Variants in SLC25A11 observed in about 807,000 individuals in gnomAD.
The protein encoded by SLC25A11 is mitochondrial 2-oxoglutarate/malate carrier protein.
In SLC25A11, 11 loss-of-function variants were observed where a neutral mutation model predicts 32.7. That is an observed-to-expected ratio of 0.34 (90% CI 0.21 to 0.56). The LOEUF (loss-of-function observed/expected upper bound fraction) is 0.56. Ranked by LOEUF, SLC25A11 falls within the 20% of genes least tolerant of loss-of-function variation. SLC25A11 has a pLI of 0.90. For synonymous variants in SLC25A11, 163 were observed against 168.3 expected (o/e 0.97, Z 0.24); for missense variants, 295 against 426.3 (o/e 0.69, Z 2.71).
intron 7 of SLC25A11, 54 bp downstream of exon 7, chr17:4,937,969 C>T: frequency 6.2e-7 from 1 of 1,613,602 alleles, no homozygotes; most frequent in South Asian, 1.1e-5. Flanking sequence ...TGCCTTCACA[C>T]CTTTCCCAGG....
rs758910860 is a variant in SLC25A11 at position 4,937,719 on chromosome 17, C to T, written c.*22G>A. The T allele has an allele frequency of 1.2e-5, 19 of 1,589,122 alleles. No homozygotes were observed. The highest frequency in any genetic ancestry group is 6.9e-5 in the South Asian group (6 of 87,454). On this transcript the variant is annotated 3_prime_UTR_variant, in exon 8 of 8. Transcript: ENST00000225665. ...GCGCAGTGGCTATAGGCGCAGCAGG[C>T]GAGTGGGAGCCCCCGGCCGCTTCAG... is the stretch of plus-strand genomic sequence containing the variant.
In SLC25A11 at chr17:4,939,657, TGGGGCCCTAGCA is replaced by T; in HGVS notation, c.95+147_95+158del. ...CATGCAGTCCATAAGGGTCCTGCAA[TGGGGCCCTAGCA>T]GCCCATCGGGGAACTCGCAATACGC... On this transcript the variant is annotated intron_variant, in intron 1 of 7. Coordinates refer to ENST00000225665, the MANE Select transcript of SLC25A11 (RefSeq NM_003562.5). This position sits in a 1 kb window ranked among gnomAD's most constrained non-coding sequence, Gnocchi z 4.1. 2 of 696,842 alleles carry T rather than the reference TGGGGCCCTAGCA, an allele frequency of 2.9e-6. No homozygotes were observed. Among genetic ancestry groups the T allele is most frequent in the Non-Finnish European group, 5.1e-6 (2 of 394,946 alleles). The allele number at this position is 696,842 out of a possible 1,614,324, so 43.2% of individuals were successfully genotyped here. A position where few individuals can be genotyped will look rare whatever the true frequency, so the allele number is the denominator to read the frequency against.
rs747131816 is a variant in SLC25A11 at position 4,937,761 on chromosome 17, G to C, written c.925C>G (p.Arg309Gly). The C allele has an allele frequency of 1.9e-6, 3 of 1,612,062 alleles. No homozygotes were observed. Among genetic ancestry groups the C allele is most frequent in the East Asian group, 4.5e-5 (2 of 44,876 alleles). The change falls in exon 8 of 8, where the codon CGT (arginine) becomes GGT (glycine). Residue 309 changes from arginine (R) to glycine (G), a missense_variant. Physicochemically the swap from Arg to Gly is moderately radical, Grantham distance 125 (BLOSUM62 -2). Coordinates refer to ENST00000225665, the MANE Select transcript of SLC25A11 (RefSeq NM_003562.5). The stretch of plus-strand genomic sequence containing the variant: ...CCGCTTCAGCCACTGAGGAAGAGAC[G>C]CTTGTAGGCCTTGTTCATCTGCTCC... ...FLEQMNKAYK[R>G]LFLSG
At position 4,938,560 on chromosome 17, in the gene SLC25A11, G is replaced by A. The variant is rs770093144; in HGVS notation, c.498C>T (p.Asn166=). ...CTTCCCGGGTGATTCGAATCAGGGC[G>A]TTAAACACATTTTTGTAGCCACGGC... is the stretch of plus-strand genomic sequence containing the variant. ...DQRRGYKNVF[N]ALIRITREEG... Residue 166 remains asparagine (N), a synonymous_variant, in exon 4 of 8, where the codon AAC becomes AAT. Transcript: ENST00000225665. This position sits in a 1 kb window ranked among gnomAD's most constrained non-coding sequence, Gnocchi z 7.6. 3.1e-6 allele frequency: 5 copies of A among 1,613,990 alleles called. No individual in the cohort carries two copies. Among genetic ancestry groups the A allele is most frequent in the Admixed American group, 1.7e-5 (1 of 60,006 alleles).
At position 4,939,228 on chromosome 17, in the gene SLC25A11, G is replaced by A. The variant is rs771804137; in HGVS notation, c.96-16C>T. The stretch of plus-strand genomic sequence containing the variant: ...AGCTCCCATCCTGGGGGAAGACAGA[G>A]GTGGAGTGAAGGGCCAGGCATTCCA... On this transcript the variant is annotated splice_polypyrimidine_tract_variant and intron_variant, in intron 1 of 7. Coordinates refer to ENST00000225665, the MANE Select transcript of SLC25A11 (RefSeq NM_003562.5). This position sits in a 1 kb window ranked among gnomAD's most constrained non-coding sequence, Gnocchi z 4.1. 9 of 1,597,442 alleles carry A rather than the reference G, an allele frequency of 5.6e-6. No individual in the cohort carries two copies. The highest frequency in any genetic ancestry group is 6.9e-6 in the Non-Finnish European group (8 of 1,167,150).
rs1192665625 is a variant in SLC25A11 at position 4,937,661 on chromosome 17, G to A, written c.*80C>T. The A allele has an allele frequency of 2.0e-6, 3 of 1,469,166 alleles. No homozygotes were observed. Among genetic ancestry groups the A allele is most frequent in the Middle Eastern group, 2.4e-4 (1 of 4,204 alleles). 91.0% of individuals were successfully genotyped at this position (1,469,166 alleles called of 1,614,324 possible). A position where few individuals can be genotyped will look rare whatever the true frequency, so the allele number is the denominator to read the frequency against. ...ACACTGTGGAAGGGAAATAAATAGA[G>A]GGGTCCAGGGCAGCAGAGCCCAGGC... On this transcript the variant is annotated 3_prime_UTR_variant, in exon 8 of 8. Transcript: ENST00000225665.
rs1045475762 is a variant in SLC25A11 at position 4,938,734 on chromosome 17, A to G, written c.455+35T>C. 2.5e-6 allele frequency: 4 copies of G among 1,596,990 alleles called. No individual in the cohort carries two copies. The East Asian group carries it at 6.7e-5, about 27-fold the overall frequency. Reference sequence around the variant, plus strand: ...GTCCTTTCATTCTAGATTCGAGGGAATGGGGCTGGGGTTAGGTTCAGACTT... The same window carrying G: ...GTCCTTTCATTCTAGATTCGAGGGAGTGGGGCTGGGGTTAGGTTCAGACTT... On this transcript the variant is annotated intron_variant, in intron 3 of 7. Transcript: ENST00000225665. The surrounding 1 kb of genome is among the most constrained non-coding windows in gnomAD (Gnocchi z 7.6).
chr17:4,939,065 G>A lies in SLC25A11; in HGVS notation c.243C>T (p.Tyr81=), dbSNP rs1260335805. The change falls in exon 2 of 8, where the codon TAC becomes TAT. Residue 81 remains tyrosine (Y), a synonymous_variant. Coordinates refer to ENST00000225665, the MANE Select transcript of SLC25A11 (RefSeq NM_003562.5). The surrounding 1 kb of genome is among the most constrained non-coding windows in gnomAD (Gnocchi z 4.1). The part of the protein sequence containing the change: ...ILKAEGLRGI[Y]TGLSAGLLRQ... ...CCATCCTGAGGCCCCAATACCCAGT[G>A]TAAATGCCCCTCAGGCCTTCTGCCT... 1 of 1,614,104 alleles carries A rather than the reference G, an allele frequency of 6.2e-7. No homozygotes were observed. Among genetic ancestry groups the A allele is most frequent in the Non-Finnish European group, 8.5e-7 (1 of 1,180,046 alleles).
rs1192665625 is a variant in SLC25A11, at chr17:4,937,661, G to C, written c.*80C>G. 4.1e-6 allele frequency: 6 copies of C among 1,469,048 alleles called. No individual in the cohort carries two copies. The highest frequency in any genetic ancestry group is 2.7e-6 in the Non-Finnish European group (3 of 1,097,288). 91.0% of individuals were successfully genotyped at this position (1,469,048 alleles called of 1,614,324 possible). A position where few individuals can be genotyped will look rare whatever the true frequency, so the allele number is the denominator to read the frequency against. On this transcript the variant is annotated 3_prime_UTR_variant, in exon 8 of 8. Coordinates refer to ENST00000225665, the MANE Select transcript of SLC25A11 (RefSeq NM_003562.5). ...ACACTGTGGAAGGGAAATAAATAGA[G>C]GGGTCCAGGGCAGCAGAGCCCAGGC... is the stretch of plus-strand genomic sequence containing the variant.
chr17:4,937,622 C>A lies in SLC25A11; in HGVS notation c.*119G>T, dbSNP rs1970453695. 3 of 1,250,236 alleles carry A rather than the reference C, an allele frequency of 2.4e-6. No individual in the cohort carries two copies. The highest frequency in any genetic ancestry group is 4.7e-5 in the Admixed American group (2 of 42,204). The allele number at this position is 1,250,236 out of a possible 1,614,324, so 77.4% of individuals were successfully genotyped here. A position where few individuals can be genotyped will look rare whatever the true frequency, so the allele number is the denominator to read the frequency against. The stretch of plus-strand genomic sequence containing the variant: ...GTAGAACAGACCAAGTCCTTTACCG[C>A]AGAGGAAGAAACCACACTGTGGAAG... On this transcript the variant is annotated 3_prime_UTR_variant, in exon 8 of 8. Coordinates refer to ENST00000225665, the MANE Select transcript of SLC25A11 (RefSeq NM_003562.5).
chr17:4,939,982 C>T lies in SLC25A11; in HGVS notation c.-72G>A. 3 of 1,174,390 alleles carry T rather than the reference C, an allele frequency of 2.6e-6. No individual in the cohort carries two copies. In the Middle Eastern group the frequency reaches 6.3e-4, roughly 248 times the overall value. The allele number at this position is 1,174,390 out of a possible 1,614,324, so 72.7% of individuals were successfully genotyped here. On this transcript the variant is annotated 5_prime_UTR_variant, in exon 1 of 8. Coordinates refer to ENST00000225665, the MANE Select transcript of SLC25A11 (RefSeq NM_003562.5). The surrounding 1 kb of genome is among the most constrained non-coding windows in gnomAD (Gnocchi z 4.1). ...CGCTCGCGCCCAAGGTGACACCGCGCGCGCAACAGAGCGAGGGCGCGCGCA... is the reference window on the plus strand; with the variant it reads ...CGCTCGCGCCCAAGGTGACACCGCGTGCGCAACAGAGCGAGGGCGCGCGCA...
rs1277760748 is a variant in SLC25A11, at chr17:4,939,381, G to A, written c.96-169C>T. ...TCTATATGTACACCAAGTGCAACGGGTCTGAAAAGTCTAGTTGTCCAGTAG... is the reference window on the plus strand; with the variant it reads ...TCTATATGTACACCAAGTGCAACGGATCTGAAAAGTCTAGTTGTCCAGTAG... On this transcript the variant is annotated intron_variant, in intron 1 of 7. Coordinates refer to ENST00000225665, the MANE Select transcript of SLC25A11 (RefSeq NM_003562.5). The surrounding 1 kb of genome is among the most constrained non-coding windows in gnomAD (Gnocchi z 4.1). 8.2e-6 allele frequency: 6 copies of A among 735,790 alleles called. No individual in the cohort carries two copies. Among genetic ancestry groups the A allele is most frequent in the African/African-American group, 1.8e-5 (1 of 56,180 alleles). 45.6% of individuals were successfully genotyped at this position (735,790 alleles called of 1,614,324 possible).
Position 4,938,219 on chromosome 17 carries a change from A to G in SLC25A11, c.672T>C (p.Cys224=), listed in dbSNP as rs771375625. ...TGACAAGACCGCTGATCATGCTGGCACAGAAGTGGCACAAGATGTTGTCAG... is the reference window on the plus strand; with the variant it reads ...TGACAAGACCGCTGATCATGCTGGCGCAGAAGTGGCACAAGATGTTGTCAG... ...YFSDNILCHF[C]ASMISGLVTT... The change falls in exon 6 of 8, where the codon TGT becomes TGC. Residue 224 remains cysteine (C), a synonymous_variant. Coordinates refer to ENST00000225665, the MANE Select transcript of SLC25A11 (RefSeq NM_003562.5). The surrounding 1 kb of genome is among the most constrained non-coding windows in gnomAD (Gnocchi z 7.6). 3.7e-6 allele frequency: 6 copies of G among 1,614,002 alleles called. No individual in the cohort carries two copies. Among genetic ancestry groups the G allele is most frequent in the Non-Finnish European group, 4.2e-6 (5 of 1,179,926 alleles).
rs1970616516 is a variant in SLC25A11, at chr17:4,939,991, G to A, written c.-81C>T. On this transcript the variant is annotated 5_prime_UTR_variant, in exon 1 of 8. Transcript: ENST00000225665. This position sits in a 1 kb window ranked among gnomAD's most constrained non-coding sequence, Gnocchi z 4.1. ...CCAAGGTGACACCGCGCGCGCAACA[G>A]AGCGAGGGCGCGCGCACGCCCCTCC... 19 of 981,782 alleles carry A rather than the reference G, an allele frequency of 1.9e-5. No homozygotes were observed. The highest frequency in any genetic ancestry group is 2.6e-5 in the Non-Finnish European group (18 of 704,666). 60.8% of individuals were successfully genotyped at this position (981,782 alleles called of 1,614,324 possible). A position where few individuals can be genotyped will look rare whatever the true frequency, so the allele number is the denominator to read the frequency against.
chr17:4,939,178 G>C lies in SLC25A11; in HGVS notation c.130C>G (p.Leu44Val). The C allele has an allele frequency of 1.2e-6, 2 of 1,612,152 alleles. No individual in the cohort carries two copies. Among genetic ancestry groups the C allele is most frequent in the Non-Finnish European group, 1.7e-6 (2 of 1,178,322 alleles). The part of the protein sequence containing the change: ...GATVFVQPLD[L>V]VKNRMQLSGE... ...CTCAACTGCATCCGGTTCTTCACCAGGTCCAGGGGCTGGACAAAAACTGTA... is the reference window on the plus strand; with the variant it reads ...CTCAACTGCATCCGGTTCTTCACCACGTCCAGGGGCTGGACAAAAACTGTA... The change falls in exon 2 of 8, where the codon CTG becomes GTG. Residue 44 changes from leucine to valine, a missense_variant. Physicochemically the swap from Leu to Val is conservative, Grantham distance 32. Coordinates refer to ENST00000225665, the MANE Select transcript of SLC25A11 (RefSeq NM_003562.5). This position sits in a 1 kb window ranked among gnomAD's most constrained non-coding sequence, Gnocchi z 4.1.
Position 4,938,863 on chromosome 17 carries a change from G to C in SLC25A11, c.361C>G (p.Leu121Val). 1 of 1,614,158 alleles carries C rather than the reference G, an allele frequency of 6.2e-7. No homozygotes were observed. Among genetic ancestry groups the C allele is most frequent in the Non-Finnish European group, 8.5e-7 (1 of 1,180,038 alleles). ...GADGTPPGFL[L>V]KAVIGMTAGA... ...GCGGTCATGCCAATCACAGCCTTCAGCAGAAAGCCAGGGGGAGTACCATCA... is the reference window on the plus strand; with the variant it reads ...GCGGTCATGCCAATCACAGCCTTCACCAGAAAGCCAGGGGGAGTACCATCA... The change falls in exon 3 of 8, where the codon CTG becomes GTG. Residue 121 changes from leucine to valine, a missense_variant. This residue lies in a region of SLC25A11 where 49 missense variants were observed against 106.9 expected (regional missense o/e 0.46). Coordinates refer to ENST00000225665, the MANE Select transcript of SLC25A11 (RefSeq NM_003562.5). The surrounding 1 kb of genome is among the most constrained non-coding windows in gnomAD (Gnocchi z 7.6).
In SLC25A11 at chr17:4,937,403, C is replaced by T; in HGVS notation, c.*338G>A. 1 of 194,866 alleles carries T rather than the reference C, an allele frequency of 5.1e-6. No homozygotes were observed. The highest frequency in any genetic ancestry group is 1.3e-4 in the South Asian group (1 of 7,710). 12.1% of individuals were successfully genotyped at this position (194,866 alleles called of 1,614,324 possible). ...GGCCCTTTGACCATCTTGATGGCTT[C>T]TGCTCCTCCCTGTCCCCTCAGCTCT... On this transcript the variant is annotated 3_prime_UTR_variant, in exon 8 of 8. Coordinates refer to ENST00000225665, the MANE Select transcript of SLC25A11 (RefSeq NM_003562.5).
rs569915450 is a variant in SLC25A11 at position 4,939,760 on chromosome 17, G to T, written c.95+56C>A. 1.4e-6 allele frequency: 2 copies of T among 1,397,158 alleles called. No homozygotes were observed. The highest frequency in any genetic ancestry group is 1.8e-5 in the Admixed American group (1 of 55,946). 86.5% of individuals were successfully genotyped at this position (1,397,158 alleles called of 1,614,324 possible). ...ACAGACCCAGAGATGAACCGGGCCC[G>T]GTTCCTTTTGCCCTTCCCTTCCTCC... On this transcript the variant is annotated intron_variant, in intron 1 of 7. Transcript: ENST00000225665. This position sits in a 1 kb window ranked among gnomAD's most constrained non-coding sequence, Gnocchi z 4.1.
chr17:4,937,846 C>T lies in SLC25A11; in HGVS notation c.840G>A (p.Lys280=), dbSNP rs1970459556. Residue 280 remains lysine (K), a synonymous_variant, in exon 8 of 8, where the codon AAG becomes AAA. Coordinates refer to ENST00000225665, the MANE Select transcript of SLC25A11 (RefSeq NM_003562.5). ...VRYEGFFSLW[K]GFTPYYARLG... ...GGCGGGCATAGTACGGCGTGAAGCCCTTCCACAGGCTGAAGAAGCCCTCGT... is the reference window on the plus strand; with the variant it reads ...GGCGGGCATAGTACGGCGTGAAGCCTTTCCACAGGCTGAAGAAGCCCTCGT... The T allele has an allele frequency of 6.2e-7, 1 of 1,614,134 alleles. No homozygotes were observed. Among genetic ancestry groups the T allele is most frequent in the South Asian group, 1.1e-5 (1 of 91,080 alleles).
Sources: gnomAD v4.1 joint callset for allele counts on GRCh38, gnomAD v4.1.1 for gene constraint, gnomAD v4.1.1 regional missense constraint, Gnocchi (gnomAD v3.1) non-coding constraint, MANE v1.5 for transcripts, NCBI Gene and HGNC (gene_info 2026-07-23, HGNC 2026-07-21) for gene names.